FRMD4A: variants seen among roughly 807,000 people sequenced by gnomAD.
FRMD4A encodes the protein FERM domain containing 4A, also known as FERM domain-containing protein 4A.
Under a neutral mutation model 129.1 loss-of-function variants are expected in FRMD4A, and 29 were observed. The ratio of observed to expected loss-of-function variants is 0.22; its 90% CI spans 0.17 to 0.31. The LOEUF is 0.31. Among genes scored for constraint, FRMD4A ranks in the 10% least tolerant of loss-of-function variants. The pLI, the probability that FRMD4A is intolerant of heterozygous loss-of-function variation, is 1.00. For synonymous variants in FRMD4A, 634 were observed against 571.6 expected (o/e 1.11, Z -1.56); for missense variants, 1,272 against 1,375.8 (o/e 0.92, Z 1.19).
chr10:13,966,758 A>G (rs1020209876), intron 2 of FRMD4A, among the ~76,000 whole-genome samples: 1 of 152,268 alleles, frequency 6.6e-6, no homozygotes, highest in Non-Finnish European at 1.5e-5. Flanking sequence ...CATTATATGA[A>G]AAATACACTT....
chr10:14,015,588 G>A (rs1218878419), intron 2 of FRMD4A, among the ~76,000 whole-genome samples: 1 of 152,090 alleles, frequency 6.6e-6, no homozygotes, highest in Non-Finnish European at 1.5e-5. Context: ...GGTGTTCTAG[G>A]ATAAGTGGTC....
Position 14,262,256 on chromosome 10 carries a change from G to A in FRMD4A, c.45+67802C>T, listed in dbSNP as rs12245115. Among the ~76,000 whole-genome samples, 954 of 152,172 alleles carry A rather than the reference G, an allele frequency of 6.3e-3. 11 individuals carry two copies. The highest frequency in any genetic ancestry group is 0.05 in the South Asian group (241 of 4,812). ...TCACTTTCCATTACCTACTTAGCCC[G>A]GTTATCTCTTCTCTTGGCCCCTGAT... On this transcript the variant is annotated intron_variant, in intron 2 of 24. Transcript: ENST00000357447.
chr10:14,063,559 A>AC (rs201641541), intron 2 of FRMD4A, among the ~76,000 whole-genome samples: 1 of 25,328 alleles, frequency 3.9e-5, no homozygotes, highest in Non-Finnish European at 1.1e-4. Context: ...ACCTTTTCTC[A>AC]TTAAAAAAAA....
intron 2 of FRMD4A, among the ~76,000 whole-genome samples, chr10:14,164,799 C>T (rs528375704): frequency 1.3e-5 from 2 of 152,324 alleles, no homozygotes; most frequent in South Asian, 2.1e-4. Flanking sequence ...GTTTGTCCAA[C>T]CTGCAACCCA....
At chr10:13,814,808 A>G (rs756063157) in intron 3 of FRMD4A, among the ~76,000 whole-genome samples, 3 of 152,116 alleles carry the variant, frequency 2.0e-5, no homozygotes, top group Non-Finnish European at 4.4e-5. Context: ...TATCTAGAAC[A>G]TATGTTCATC....
At chr10:14,021,735 T>C (rs1170977191) in intron 2 of FRMD4A, among the ~76,000 whole-genome samples, 3 of 152,178 alleles carry the variant, frequency 2.0e-5, no homozygotes, top group African/African-American at 7.2e-5. Context: ...GGTGTTCATG[T>C]TGTAAATAAT....
intron 2 of FRMD4A, among the ~76,000 whole-genome samples, chr10:13,974,848 T>G (rs2095535631): frequency 2.0e-5 from 3 of 152,222 alleles, no homozygotes; most frequent in Admixed American, 2.0e-4. Context: ...TTTAAATCGC[T>G]AATTCAGAGT....
At chr10:14,093,505 G>A (rs1295657987) in intron 2 of FRMD4A, among the ~76,000 whole-genome samples, 1 of 152,186 alleles carries the variant, frequency 6.6e-6, no homozygotes, top group African/African-American at 2.4e-5. Context: ...ACATAATCAT[G>A]AGGTTCACTT....
At chr10:14,280,047 C>T (rs1402919619) in intron 2 of FRMD4A, among the ~76,000 whole-genome samples, 2 of 152,170 alleles carry the variant, frequency 1.3e-5, no homozygotes, top group Non-Finnish European at 2.9e-5. Context: ...GACGTGATGA[C>T]TGATGAAGAC....
At chr10:13,914,208 C>T (rs1294095161) in intron 2 of FRMD4A, among the ~76,000 whole-genome samples, 1 of 152,190 alleles carries the variant, frequency 6.6e-6, no homozygotes, top group East Asian at 1.9e-4. Context: ...TTCAGTGAAA[C>T]ATTTTACAAA....
intron 2 of FRMD4A, among the ~76,000 whole-genome samples, chr10:13,908,167 A>AG (rs2094902551): frequency 6.9e-6 from 1 of 145,014 alleles, no homozygotes; most frequent in Non-Finnish European, 1.5e-5. Context: ...CTCCATCTAA[A>AG]AAAAAAAAAA....
At chr10:13,855,380 A>C (rs1464890143) in intron 3 of FRMD4A, among the ~76,000 whole-genome samples, 1 of 152,114 alleles carries the variant, frequency 6.6e-6, no homozygotes, top group African/African-American at 2.4e-5. Context: ...TGAGTATGCT[A>C]TCCTCATAGT....
chr10:14,160,130 T>A (rs1840808617), intron 2 of FRMD4A, among the ~76,000 whole-genome samples: 1 of 152,178 alleles, frequency 6.6e-6, no homozygotes, highest in Non-Finnish European at 1.5e-5. Flanking sequence ...ATCAATGGAA[T>A]GGAATAGAGA....
At chr10:13,856,948 C>T (rs2094222025) in intron 3 of FRMD4A, among the ~76,000 whole-genome samples, 1 of 152,196 alleles carries the variant, frequency 6.6e-6, no homozygotes, top group African/African-American at 2.4e-5. Context: ...CCTATAAACT[C>T]TTCGCACTGA....
chr10:14,270,553 G>A (rs1845130110), intron 2 of FRMD4A, among the ~76,000 whole-genome samples: 1 of 152,162 alleles, frequency 6.6e-6, no homozygotes, highest in Non-Finnish European at 1.5e-5. Flanking sequence ...GCAGAAGTCA[G>A]TCGGCCTGCT....
chr10:14,119,841 G>A (rs1390935225), intron 2 of FRMD4A, among the ~76,000 whole-genome samples: 2 of 152,186 alleles, frequency 1.3e-5, no homozygotes, highest in Non-Finnish European at 2.9e-5. Flanking sequence ...TATGTGGAAT[G>A]TGCATATCCC....
At chr10:14,151,921 C>T (rs886728145) in intron 2 of FRMD4A, among the ~76,000 whole-genome samples, 1 of 152,062 alleles carries the variant, frequency 6.6e-6, no homozygotes, top group Non-Finnish European at 1.5e-5. Flanking sequence ...ACTTTCTACC[C>T]CAGGTTCTAG....
rs1564626510 is a variant in FRMD4A, at chr10:13,693,888, C to G, written c.1117+10G>C. On this transcript the variant is annotated intron_variant, in intron 15 of 24. Transcript: ENST00000357447. The stretch of plus-strand genomic sequence containing the variant: ...CTCAGGGGGCGTCCCTCCAGCTGGC[C>G]TCTGCCTACCTGAAGACAGCAGGCT... 6.2e-7 allele frequency: 1 copy of G among 1,607,762 alleles called. No individual in the cohort carries two copies. The highest frequency in any genetic ancestry group is 2.2e-5 in the East Asian group (1 of 44,824).
chr10:14,142,123 TA>T (rs998318446), intron 2 of FRMD4A, among the ~76,000 whole-genome samples: 6 of 150,444 alleles, frequency 4.0e-5, no homozygotes, highest in East Asian at 2.0e-4. Flanking sequence ...ATTTTTATTT[TA>T]AAAAAAAAGC....
Sources: allele counts gnomAD v4.1 joint callset (sites outside exome capture counted in the v4.1 genomes callset), GRCh38; gene constraint gnomAD v4.1.1; transcripts MANE v1.5; gene names NCBI Gene and HGNC (gene_info 2026-07-23, HGNC 2026-07-21).